The following CSNK1G1 variants were observed in gnomAD, a reference collection of about 807,000 sequenced individuals.
CSNK1G1 encodes casein kinase 1 gamma 1.
Under a neutral mutation model 59.6 loss-of-function variants are expected in CSNK1G1, and 22 were observed. The observed-to-expected ratio is 0.37, with a 90% CI of 0.26 to 0.53. The LOEUF (loss-of-function observed/expected upper bound fraction) is 0.53. CSNK1G1 is among the 20% of genes least tolerant of loss of function. The pLI, the probability that CSNK1G1 is intolerant of heterozygous loss-of-function variation, is 0.89. For missense variants in CSNK1G1, 384 were observed against 519.5 expected (o/e 0.74, Z 2.54); for synonymous variants, 179 against 177.1 (o/e 1.01, Z -0.08).
intron 1 of CSNK1G1, among the ~76,000 whole-genome samples, chr15:64,332,742 A>T (rs1056880471): frequency 1.3e-5 from 2 of 151,766 alleles, no homozygotes; most frequent in African/African-American, 4.8e-5. Flanking sequence ...ACAAAAACAA[A>T]AAAAAAGTAG....
intron 4 of CSNK1G1, among the ~76,000 whole-genome samples, chr15:64,225,484 C>T (rs770138893): frequency 6.6e-6 from 1 of 152,116 alleles, no homozygotes; most frequent in Non-Finnish European, 1.5e-5. Context: ...GGTGAGATGC[C>T]TCTGATTGGT....
At chr15:64,338,742 G>C (rs1043931603) in intron 1 of CSNK1G1, among the ~76,000 whole-genome samples, 25 of 147,200 alleles carry the variant, frequency 1.7e-4, no homozygotes, top group Admixed American at 6.8e-5. Context: ...TTCTGGCCGG[G>C]CGCGATAGCT....
At chr15:64,204,367 TAAAGG>T (rs1800666215) in intron 9 of CSNK1G1, 69 bp downstream of exon 9, 1 of 1,203,780 alleles carries the variant, frequency 8.3e-7, no homozygotes, top group African/African-American at 1.7e-5. Context: ...GACTGGCAAG[TAAAGG>T]CATGAGGCAG....
chr15:64,247,195 TCTTCCTAA>T (rs1891806302), intron 4 of CSNK1G1, among the ~76,000 whole-genome samples: 1 of 152,178 alleles, frequency 6.6e-6, no homozygotes, highest in South Asian at 2.1e-4. Flanking sequence ...AATGTATGTA[TCTTCCTAA>T]GTAAAAGACC....
chr15:64,263,226 T>C (rs1429501508), intron 2 of CSNK1G1, among the ~76,000 whole-genome samples: 1 of 151,990 alleles, frequency 6.6e-6, no homozygotes, highest in East Asian at 1.9e-4. Context: ...TCTCGCTCTG[T>C]TGCCCATGCT....
intron 10 of CSNK1G1, chr15:64,182,055 T>G (rs2081822925): frequency 9.1e-6 from 1 of 109,380 alleles, no homozygotes; most frequent in South Asian, 3.4e-4. Flanking sequence ...AGTAACCCGT[T>G]TTTTTTTTTT....
chr15:64,281,786 G>C (rs1160738277), intron 2 of CSNK1G1, among the ~76,000 whole-genome samples: 1 of 151,232 alleles, frequency 6.6e-6, no homozygotes, highest in Non-Finnish European at 1.5e-5. Context: ...GTTGCAGTGA[G>C]CCGAGACTGT....
In CSNK1G1 at chr15:64,168,859, G is replaced by C. The variant is rs1401545485; in HGVS notation, c.*3072C>G. On this transcript the variant is annotated 3_prime_UTR_variant, in exon 12 of 12. Transcript: ENST00000303052. ...CTTATTTTTAAGGAAGATCCCACCA[G>C]AATCTCCCAGGTCTGGGACCACTTT... The C allele has an allele frequency of 6.6e-6, 1 of 152,280 alleles. No homozygotes were observed. The highest frequency in any genetic ancestry group is 1.5e-5 in the Non-Finnish European group (1 of 68,046). 9.4% of individuals were successfully genotyped at this position (152,280 alleles called of 1,614,324 possible).
intron 1 of CSNK1G1, among the ~76,000 whole-genome samples, chr15:64,308,224 A>C (rs1401603173): frequency 1.3e-5 from 2 of 151,918 alleles, no homozygotes; most frequent in Admixed American, 1.3e-4. Context: ...ACTAATCTCA[A>C]TTTCATAAAT....
chr15:64,338,557 G>A (rs1165690575), intron 1 of CSNK1G1, among the ~76,000 whole-genome samples: 1 of 151,524 alleles, frequency 6.6e-6, no homozygotes, highest in Non-Finnish European at 1.5e-5. Context: ...AAAATTAGCT[G>A]GGTGTGGTGG....
At chr15:64,302,718 T>C (rs1449756825) in intron 1 of CSNK1G1, among the ~76,000 whole-genome samples, 4 of 152,194 alleles carry the variant, frequency 2.6e-5, no homozygotes, top group Admixed American at 2.0e-4. Context: ...CTGTCAACTA[T>C]ACTTCCTTCC....
In CSNK1G1 at chr15:64,314,368, T is replaced by G. The variant is rs533645175; in HGVS notation, c.-224-13645A>C. ...AAGTTTAAAAATTGTATGTTGACAATTTATAATTATATAAATGTAAGGGGT... is the reference window on the plus strand; with the variant it reads ...AAGTTTAAAAATTGTATGTTGACAAGTTATAATTATATAAATGTAAGGGGT... On this transcript the variant is annotated intron_variant, in intron 1 of 11. Transcript: ENST00000303052. Among the ~76,000 whole-genome samples the G allele has an allele frequency of 4.6e-5, 7 of 152,118 alleles. No individual in the cohort carries two copies. The East Asian group carries it at 1.3e-3, about 29-fold the overall frequency.
intron 10 of CSNK1G1, among the ~76,000 whole-genome samples, chr15:64,189,815 CT>C (rs970702567): frequency 0.033 from 4,153 of 127,262 alleles, 113 homozygotes; most frequent in African/African-American, 0.11. Flanking sequence ...CTACAATTTA[CT>C]TTTTTTTTTT....
At chr15:64,173,594 T>G (rs1470529372) in intron 11 of CSNK1G1, among the ~76,000 whole-genome samples, 1 of 151,926 alleles carries the variant, frequency 6.6e-6, no homozygotes, top group Non-Finnish European at 1.5e-5. Context: ...ATGGTGTTTT[T>G]TGGTGTTTTT....
chr15:64,243,219 C>T (rs1051807918), intron 4 of CSNK1G1, among the ~76,000 whole-genome samples: 1 of 151,926 alleles, frequency 6.6e-6, no homozygotes, highest in Admixed American at 6.6e-5. Flanking sequence ...ACCTGTAATC[C>T]CAGCTACTCG....
At chr15:64,307,978 G>A (rs1172854174) in intron 1 of CSNK1G1, among the ~76,000 whole-genome samples, 2 of 152,006 alleles carry the variant, frequency 1.3e-5, no homozygotes, top group South Asian at 2.1e-4. Context: ...GAACCACCGC[G>A]CCCTGCCTGT....
intron 2 of CSNK1G1, among the ~76,000 whole-genome samples, chr15:64,268,143 T>C (rs2140343937): frequency 6.6e-6 from 1 of 152,262 alleles, no homozygotes; most frequent in African/African-American, 2.4e-5. Context: ...TAGAATACTA[T>C]TCAGCTATAA....
chr15:64,350,514 T>G (rs1008960539), intron 1 of CSNK1G1, among the ~76,000 whole-genome samples: 1 of 151,426 alleles, frequency 6.6e-6, no homozygotes, highest in Non-Finnish European at 1.5e-5. Flanking sequence ...AAAAAAAAAA[T>G]TGGTTTATCA....
In CSNK1G1 at chr15:64,219,288, T is replaced by C. The variant is rs532407523; in HGVS notation, c.293-2575A>G. Among the ~76,000 whole-genome samples, 17 of 152,374 alleles carry C rather than the reference T, an allele frequency of 1.1e-4. No individual in the cohort carries two copies. In the South Asian group the frequency reaches 3.3e-3, roughly 30 times the overall value. On this transcript the variant is annotated intron_variant, in intron 4 of 11. Transcript: ENST00000303052. ...AGCAGAACACTCTGTCCTAGAGATT[T>C]ACTGCTTTTATTAATCAGACACATG...
Sources: allele counts gnomAD v4.1 joint callset (sites outside exome capture counted in the v4.1 genomes callset), GRCh38; gene constraint gnomAD v4.1.1; transcripts MANE v1.5; gene names NCBI Gene and HGNC (gene_info 2026-07-23, HGNC 2026-07-21).